IKZF1: variants seen among roughly 807,000 people sequenced by gnomAD.
IKZF1 encodes DNA-binding protein Ikaros.
IKZF1 carries 10 observed loss-of-function variants against 51.7 expected under a neutral mutation model. That is an observed-to-expected ratio of 0.19 (90% CI 0.12 to 0.33). The LOEUF (loss-of-function observed/expected upper bound fraction) is 0.33, where lower values mean the gene tolerates loss of function less well. IKZF1 is among the 10% of genes least tolerant of loss of function. The pLI, the probability that IKZF1 is intolerant of heterozygous loss-of-function variation, is 1.00. For synonymous variants in IKZF1, 280 were observed against 282.3 expected, an observed-to-expected ratio of 0.99 and a Z score of 0.08; for missense variants, 484 against 707.5, an observed-to-expected ratio of 0.68 and a Z score of 3.58.
At chr7:50,350,632 T>A (rs902524584) in intron 3 of IKZF1, among the ~76,000 whole-genome samples, 1 of 152,238 alleles carries the variant, frequency 6.6e-6, no homozygotes, top group Non-Finnish European at 1.5e-5. Context: ...CGTGCACAGA[T>A]AATTCTGCCT....
At chr7:50,318,784 A>C (rs1325934160) in intron 1 of IKZF1, among the ~76,000 whole-genome samples, 1 of 152,208 alleles carries the variant, frequency 6.6e-6, no homozygotes. Flanking sequence ...TTGGGTTATT[A>C]TGCAGTAGGA....
Position 50,401,881 on chromosome 7 carries a change from A to T in IKZF1, c.*1254A>T, listed in dbSNP as rs1184544774. 4.4e-6 allele frequency: 1 copy of T among 225,858 alleles called. No homozygotes were observed. The highest frequency in any genetic ancestry group is 8.8e-6 in the Non-Finnish European group (1 of 113,404). 14.0% of individuals were successfully genotyped at this position (225,858 alleles called of 1,614,324 possible). On this transcript the variant is annotated 3_prime_UTR_variant, in exon 8 of 8. Coordinates refer to ENST00000331340, the MANE Select transcript of IKZF1 (RefSeq NM_006060.6). Reference sequence around the variant, plus strand: ...GCTTTCAAACATGTTGAAGCTCTTTACTGTAAAGGCAAGCCAGCATGTGTG... The same window carrying T: ...GCTTTCAAACATGTTGAAGCTCTTTTCTGTAAAGGCAAGCCAGCATGTGTG...
At chr7:50,373,565 C>T (rs983494069) in intron 3 of IKZF1, among the ~76,000 whole-genome samples, 9 of 152,182 alleles carry the variant, frequency 5.9e-5, no homozygotes, top group African/African-American at 1.7e-4. Flanking sequence ...CTATAGCCCT[C>T]GTCTTAGCGC....
chr7:50,366,659 T>A (rs1345435065), intron 3 of IKZF1, among the ~76,000 whole-genome samples: 1 of 152,206 alleles, frequency 6.6e-6, no homozygotes, highest in Non-Finnish European at 1.5e-5. Context: ...TAGTCAGAGT[T>A]TTGTACTCTA....
At chr7:50,308,355 TAATA>T (rs927418331) in intron 1 of IKZF1, among the ~76,000 whole-genome samples, 5 of 152,228 alleles carry the variant, frequency 3.3e-5, no homozygotes, top group Admixed American at 6.5e-5. Flanking sequence ...TGTTTGACTA[TAATA>T]AATAGGTAGT....
At position 50,399,929 on chromosome 7, in the gene IKZF1, C is replaced by T; in HGVS notation, c.862C>T (p.Leu288=). Residue 288 remains leucine (L), a synonymous_variant, in exon 8 of 8, where the codon CTG becomes TTG. Transcript: ENST00000331340. ...MPQKFLGDKG[L]SDTPYDSSAS... is the part of the protein sequence containing the mutation. ...CCTGCTTTCCACAGGGGACAAGGGCCTGTCCGACACGCCCTACGACAGCAG... is the reference window on the plus strand; with the variant it reads ...CCTGCTTTCCACAGGGGACAAGGGCTTGTCCGACACGCCCTACGACAGCAG... 1 of 1,612,410 alleles carries T rather than the reference C, an allele frequency of 6.2e-7. No homozygotes were observed. The highest frequency in any genetic ancestry group is 1.3e-5 in the African/African-American group (1 of 74,998).
chr7:50,338,347 T>C (rs1798269657), intron 3 of IKZF1, among the ~76,000 whole-genome samples: 2 of 152,360 alleles, frequency 1.3e-5, no homozygotes, highest in Admixed American at 1.3e-4. Flanking sequence ...AAAAGTGCTG[T>C]CAGAGTAGAT....
intron 3 of IKZF1, among the ~76,000 whole-genome samples, chr7:50,375,405 T>G (rs892474631): frequency 2.0e-5 from 3 of 152,186 alleles, no homozygotes; most frequent in Admixed American, 2.0e-4. Context: ...GATTGTCATC[T>G]ATCTCATTGA....
chr7:50,349,082 T>C (rs1011278241), intron 3 of IKZF1, among the ~76,000 whole-genome samples: 1 of 152,186 alleles, frequency 6.6e-6, no homozygotes, highest in Non-Finnish European at 1.5e-5. Flanking sequence ...GCACAACTGG[T>C]ATGAACCCAC....
chr7:50,338,551 C>T (rs970146331), intron 3 of IKZF1, among the ~76,000 whole-genome samples: 1 of 152,210 alleles, frequency 6.6e-6, no homozygotes. Flanking sequence ...CCAGTTGCCA[C>T]CTGTCCCCCT....
At chr7:50,358,244 A>C (rs368270734) in intron 3 of IKZF1, among the ~76,000 whole-genome samples, 107 of 152,314 alleles carry the variant, frequency 7.0e-4, no homozygotes, top group African/African-American at 2.6e-3. Context: ...AGTGTTGTTG[A>C]TGTGAAGGAC....
chr7:50,306,051 G>T (rs989077881), intron 1 of IKZF1, among the ~76,000 whole-genome samples: 2 of 152,126 alleles, frequency 1.3e-5, no homozygotes, highest in Non-Finnish European at 1.5e-5. Context: ...ATTTATATTA[G>T]AATGTGTCAG....
chr7:50,316,413 T>C (rs926549575), intron 1 of IKZF1, among the ~76,000 whole-genome samples: 1 of 152,170 alleles, frequency 6.6e-6, no homozygotes, highest in East Asian at 1.9e-4. Context: ...GTCTCCATGC[T>C]GGGGCAGGAG....
intron 7 of IKZF1, among the ~76,000 whole-genome samples, chr7:50,392,875 C>A (rs961424497): frequency 2.0e-5 from 3 of 152,038 alleles, no homozygotes; most frequent in African/African-American, 7.2e-5. Context: ...GAGTGGGGGC[C>A]TAAGGACATG....
intron 3 of IKZF1, chr7:50,368,755 T>C: frequency 4.1e-6 from 1 of 242,480 alleles, no homozygotes; most frequent in Non-Finnish European, 8.1e-6. Context: ...TTTGAAAATG[T>C]ATAGAGAGCT....
intron 1 of IKZF1, among the ~76,000 whole-genome samples, chr7:50,306,538 C>T (rs7781977): frequency 0.32 from 47,999 of 151,992 alleles, 7,953 homozygotes; most frequent in East Asian, 0.49. Context: ...AATCACCCAC[C>T]CTCAGGGTCT....
intron 3 of IKZF1, among the ~76,000 whole-genome samples, chr7:50,342,290 C>T (rs1799229075): frequency 6.6e-6 from 1 of 152,198 alleles, no homozygotes; most frequent in African/African-American, 2.4e-5. Context: ...AACATGTGAA[C>T]ATGTCAAACA....
rs756881033 is a variant in IKZF1, at chr7:50,400,534, T to A, written c.1467T>A (p.Pro489=). The change falls in exon 8 of 8, where the codon CCT becomes CCA. Residue 489 remains proline, a synonymous_variant. Transcript: ENST00000331340. This position sits in a 1 kb window ranked among gnomAD's most constrained non-coding sequence, Gnocchi z 5.4. The stretch of plus-strand genomic sequence containing the variant: ...TGGGCTGCCACGGCTTCCGTGATCC[T>A]TTTGAGTGCAACATGTGCGGCTACC... ...IHMGCHGFRD[P]FECNMCGYHS... is the part of the protein sequence containing the mutation. 5 of 1,614,016 alleles carry A rather than the reference T, an allele frequency of 3.1e-6. No individual in the cohort carries two copies. The highest frequency in any genetic ancestry group is 4.2e-6 in the Non-Finnish European group (5 of 1,179,960).
At chr7:50,307,823 T>C (rs1188638231) in intron 1 of IKZF1, among the ~76,000 whole-genome samples, 2 of 152,080 alleles carry the variant, frequency 1.3e-5, no homozygotes, top group Non-Finnish European at 2.9e-5. Flanking sequence ...ACACTTAAAA[T>C]TCAGATGAGG....
Sources: gnomAD v4.1 joint callset for allele counts (sites outside exome capture counted in the v4.1 genomes callset) on GRCh38, gnomAD v4.1.1 for gene constraint, Gnocchi (gnomAD v3.1) non-coding constraint, MANE v1.5 for transcripts, NCBI Gene and HGNC (gene_info 2026-07-23, HGNC 2026-07-21) for gene names.